The following RGS7BP variants were observed in gnomAD, a reference collection of about 807,000 sequenced individuals.
RGS7BP encodes the protein regulator of G protein signaling 7 binding protein.
Under a neutral mutation model 31.3 loss-of-function variants are expected in RGS7BP, and 9 were observed. The observed-to-expected ratio is 0.29, with a 90% CI of 0.17 to 0.50. The LOEUF is 0.50. RGS7BP is among the 20% of genes least tolerant of loss of function. The pLI is 0.98. For synonymous variants in RGS7BP, 115 were observed against 120.1 expected, an observed-to-expected ratio of 0.96 and a Z score of 0.28; for missense variants, 274 against 322.0, an observed-to-expected ratio of 0.85 and a Z score of 1.14.
At chr5:64,598,340 T>C in intron 4 of RGS7BP, 25 bp from the exon 5 acceptor site, 1 of 1,329,496 alleles carries the variant, frequency 7.5e-7, no homozygotes, top group Non-Finnish European at 1.1e-6. Flanking sequence ...CAGCTGATTA[T>C]TCTGTCTTTT....
intron 4 of RGS7BP, 104 bp downstream of exon 4, chr5:64,594,961 C>A: frequency 7.9e-7 from 1 of 1,264,576 alleles, no homozygotes; most frequent in South Asian, 1.4e-5. Flanking sequence ...AGAAACAGAG[C>A]TTTCTTTGGT....
intron 5 of RGS7BP, among the ~76,000 whole-genome samples, chr5:64,605,146 CT>C: frequency 6.6e-6 from 1 of 151,536 alleles, no homozygotes. Context: ...CTCTGCTTCC[CT>C]TTCCACCTTT....
chr5:64,506,799 A>C lies in RGS7BP; in HGVS notation c.165+10A>C. On this transcript the variant is annotated intron_variant, in intron 1 of 5. Coordinates refer to ENST00000334025, the MANE Select transcript of RGS7BP (RefSeq NM_001029875.3). The surrounding 1 kb of genome is among the most constrained non-coding windows in gnomAD (Gnocchi z 4.6). ...GGACGACTGCAAGATGGTGGGTGAA[A>C]ACTGCGCCTCTTTTTTTTTTTTTTT... 1 of 1,535,354 alleles carries C rather than the reference A, an allele frequency of 6.5e-7. No individual in the cohort carries two copies. The highest frequency in any genetic ancestry group is 8.8e-7 in the Non-Finnish European group (1 of 1,138,504).
At chr5:64,547,770 T>C (rs1357548555) in intron 2 of RGS7BP, among the ~76,000 whole-genome samples, 3 of 152,196 alleles carry the variant, frequency 2.0e-5, no homozygotes, top group African/African-American at 7.2e-5. Context: ...ATGCATCTAT[T>C]CCAATTTACA....
chr5:64,539,551 G>A (rs992739375), intron 2 of RGS7BP: 5 of 152,184 alleles, frequency 3.3e-5, no homozygotes, highest in Admixed American at 2.0e-4. Context: ...CCAGGAGGCT[G>A]AGGCAGAAAG....
At chr5:64,508,176 C>T (rs1748745439) in intron 2 of RGS7BP, among the ~76,000 whole-genome samples, 1 of 152,126 alleles carries the variant, frequency 6.6e-6, no homozygotes, top group African/African-American at 2.4e-5. Flanking sequence ...GGGTGGATGG[C>T]TGGACATCAA....
rs552331162 is a variant in RGS7BP at position 64,579,395 on chromosome 5, T to C, written c.463+3491T>C. Among the ~76,000 whole-genome samples the C allele has an allele frequency of 2.6e-5, 4 of 151,548 alleles. No individual in the cohort carries two copies. In the East Asian group the frequency reaches 7.8e-4, roughly 29 times the overall value. On this transcript the variant is annotated intron_variant, in intron 3 of 5. Coordinates refer to ENST00000334025, the MANE Select transcript of RGS7BP (RefSeq NM_001029875.3). ...CCCATCTCTACTAAAAATACAAAAA[T>C]TAGCTGGGTGTGGTGGCATGTGCCT...
intron 4 of RGS7BP, among the ~76,000 whole-genome samples, chr5:64,596,317 G>A (rs574726992): frequency 1.3e-5 from 2 of 152,158 alleles, no homozygotes; most frequent in East Asian, 3.8e-4. Context: ...CTGGCTGTCT[G>A]CCTTGAGAGA....
chr5:64,555,490 A>T (rs1028202218), intron 2 of RGS7BP, among the ~76,000 whole-genome samples: 2 of 152,268 alleles, frequency 1.3e-5, no homozygotes, highest in Admixed American at 1.3e-4. Context: ...AAATGTTTTA[A>T]TGCTTACTGA....
chr5:64,589,936 A>C (rs1046023762), intron 3 of RGS7BP, among the ~76,000 whole-genome samples: 7 of 151,918 alleles, frequency 4.6e-5, no homozygotes, highest in African/African-American at 7.2e-5. Context: ...AAAAAAAAAA[A>C]AAAAGACACA....
At chr5:64,594,498 T>G (rs1268840984) in intron 3 of RGS7BP, among the ~76,000 whole-genome samples, 6 of 152,188 alleles carry the variant, frequency 3.9e-5, no homozygotes, top group Admixed American at 3.3e-4. Flanking sequence ...TCAAACTGTC[T>G]TTCCCGGAAT....
chr5:64,579,362 G>A (rs894846514), intron 3 of RGS7BP, among the ~76,000 whole-genome samples: 3 of 151,816 alleles, frequency 2.0e-5, no homozygotes, highest in Non-Finnish European at 4.4e-5. Flanking sequence ...TGACCAACAT[G>A]GTGAAACCCC....
chr5:64,540,924 T>G (rs1580412313), intron 2 of RGS7BP, among the ~76,000 whole-genome samples: 1 of 152,146 alleles, frequency 6.6e-6, no homozygotes, highest in East Asian at 1.9e-4. Context: ...GTGACCCAGT[T>G]CTAGTGATAT....
At chr5:64,546,105 G>A (rs1009032559) in intron 2 of RGS7BP, among the ~76,000 whole-genome samples, 1 of 152,124 alleles carries the variant, frequency 6.6e-6, no homozygotes, top group Non-Finnish European at 1.5e-5. Context: ...GGTGAGCCAA[G>A]ATCACGCCAC....
chr5:64,543,543 A>T lies in RGS7BP; in HGVS notation c.333-32231A>T, dbSNP rs906426886. Reference sequence around the variant, plus strand: ...TCCCTCTACCTGGAGAAAAAAGTTTAAAAAAAAATCCCAGAAAAGAAACAG... The same window carrying T: ...TCCCTCTACCTGGAGAAAAAAGTTTTAAAAAAAATCCCAGAAAAGAAACAG... On this transcript the variant is annotated intron_variant, in intron 2 of 5. Coordinates refer to ENST00000334025, the MANE Select transcript of RGS7BP (RefSeq NM_001029875.3). Among the ~76,000 whole-genome samples, 13 of 70,252 alleles carry T rather than the reference A, an allele frequency of 1.9e-4. 1 individual carries two copies. The highest frequency in any genetic ancestry group is 8.5e-4 in the Admixed American group (6 of 7,038). 46.1% of individuals were successfully genotyped at this position (70,252 alleles called of 152,430 possible).
intron 2 of RGS7BP, among the ~76,000 whole-genome samples, chr5:64,555,191 A>G (rs918314990): frequency 3.3e-5 from 5 of 152,256 alleles, no homozygotes; most frequent in African/African-American, 1.2e-4. Flanking sequence ...GAACTACAAT[A>G]CAATTAAGCT....
chr5:64,605,951 CAT>C lies in RGS7BP; in HGVS notation c.683-3201_683-3200del, dbSNP rs60871596. On this transcript the variant is annotated intron_variant, in intron 5 of 5. Coordinates refer to ENST00000334025, the MANE Select transcript of RGS7BP (RefSeq NM_001029875.3). ...TGCTATATATATGTATATCTGGATA[CAT>C]ATATATATGCTATATATATGTATAT... is the stretch of plus-strand genomic sequence containing the variant. Among the ~76,000 whole-genome samples the C allele has an allele frequency of 3.6e-3, 331 of 92,756 alleles. 2 individuals carry two copies. Among genetic ancestry groups the C allele is most frequent in the African/African-American group, 9.5e-3 (294 of 30,832 alleles). The allele number at this position is 92,756 out of a possible 152,430, so 60.9% of individuals were successfully genotyped here. A position where few individuals can be genotyped will look rare whatever the true frequency, so the allele number is the denominator to read the frequency against.
chr5:64,538,877 T>A (rs1741453719), intron 2 of RGS7BP, among the ~76,000 whole-genome samples: 1 of 152,142 alleles, frequency 6.6e-6, no homozygotes, highest in Non-Finnish European at 1.5e-5. Flanking sequence ...TCCACTAGCC[T>A]AATTCATTTG....
In RGS7BP at chr5:64,569,594, C is replaced by T. The variant is rs1460359547; in HGVS notation, c.333-6180C>T. ...AAATTAATAACTGGGTTTACACACACATTTGTATCTTCCCTGCCCCCAACT... is the reference window on the plus strand; with the variant it reads ...AAATTAATAACTGGGTTTACACACATATTTGTATCTTCCCTGCCCCCAACT... On this transcript the variant is annotated intron_variant, in intron 2 of 5. Transcript: ENST00000334025. Among the ~76,000 whole-genome samples the T allele has an allele frequency of 1.5e-4, 23 of 152,114 alleles. 1 individual carries two copies. The highest frequency in any genetic ancestry group is 1.2e-3 in the Admixed American group (18 of 15,246).
Sources: allele counts gnomAD v4.1 joint callset (sites outside exome capture counted in the v4.1 genomes callset), GRCh38; gene constraint gnomAD v4.1.1; non-coding constraint Gnocchi (gnomAD v3.1); transcripts MANE v1.5; gene names NCBI Gene and HGNC (gene_info 2026-07-23, HGNC 2026-07-21).